The following KIAA0825 variants were observed in gnomAD, a reference collection of about 807,000 sequenced individuals.
The protein encoded by KIAA0825 is KIAA0825, also known as uncharacterized protein KIAA0825.
A neutral mutation model predicts 147.6 loss-of-function variants in KIAA0825; 119 were observed. The ratio of observed to expected loss-of-function variants is 0.81; its 90% CI spans 0.69 to 0.94. The LOEUF (loss-of-function observed/expected upper bound fraction) is 0.94. KIAA0825 is among the 40% of genes least tolerant of loss of function. KIAA0825 has a pLI of 0.00. For synonymous variants in KIAA0825, 470 were observed against 518.1 expected, an observed-to-expected ratio of 0.91 and a Z score of 1.26; for missense variants, 1,381 against 1,472.7, an observed-to-expected ratio of 0.94 and a Z score of 1.02.
chr5:94,231,810 C>G (rs1583925423), intron 20 of KIAA0825, among the ~76,000 whole-genome samples: 1 of 152,138 alleles, frequency 6.6e-6, no homozygotes, highest in East Asian at 1.9e-4. Flanking sequence ...TTTGGGACAT[C>G]CATTCCATGA....
intron 20 of KIAA0825, among the ~76,000 whole-genome samples, chr5:94,282,184 T>G (rs2010909): frequency 0.21 from 31,576 of 152,084 alleles, 3,704 homozygotes; most frequent in Non-Finnish European, 0.26. Context: ...CCATTTAAAA[T>G]GATTTAAAAT....
At chr5:94,533,443 A>G (rs527551943) in intron 3 of KIAA0825, among the ~76,000 whole-genome samples, 2 of 149,288 alleles carry the variant, frequency 1.3e-5, no homozygotes, top group African/African-American at 4.9e-5. Flanking sequence ...CGCCCGGCTG[A>G]TTTTTGTATT....
intron 6 of KIAA0825, among the ~76,000 whole-genome samples, chr5:94,481,963 T>C (rs998058429): frequency 6.6e-6 from 1 of 151,876 alleles, no homozygotes; most frequent in African/African-American, 2.4e-5. Flanking sequence ...ACAACTTTAT[T>C]CCAAAGAAGC....
intron 20 of KIAA0825, among the ~76,000 whole-genome samples, chr5:94,262,117 C>T (rs1156984627): frequency 6.6e-6 from 1 of 151,816 alleles, no homozygotes; most frequent in Admixed American, 6.6e-5. Flanking sequence ...AGAATTCTTA[C>T]AAATCCTAAA....
intron 20 of KIAA0825, among the ~76,000 whole-genome samples, chr5:94,246,576 G>A (rs1775625926): frequency 6.6e-6 from 1 of 152,120 alleles, no homozygotes; most frequent in Admixed American, 6.6e-5. Flanking sequence ...ACCTTGTTTA[G>A]TTTTATAGTA....
chr5:94,486,821 G>A lies in KIAA0825; in HGVS notation c.971-1891C>T, dbSNP rs560574364. Reference sequence around the variant, plus strand: ...TTAAGCTTTGCTTATGTAGATGAGTGGCTATTTTAACCTTCTAAACCTTAA... The same window carrying A: ...TTAAGCTTTGCTTATGTAGATGAGTAGCTATTTTAACCTTCTAAACCTTAA... On this transcript the variant is annotated intron_variant, in intron 5 of 20. Transcript: ENST00000682413. Among the ~76,000 whole-genome samples, 70 of 152,222 alleles carry A rather than the reference G, an allele frequency of 4.6e-4. 1 individual carries two copies. Among genetic ancestry groups the A allele is most frequent in the Admixed American group, 1.5e-3 (23 of 15,288 alleles).
intron 20 of KIAA0825, among the ~76,000 whole-genome samples, chr5:94,288,076 A>G (rs1477758589): frequency 1.3e-5 from 2 of 152,196 alleles, no homozygotes; most frequent in Non-Finnish European, 2.9e-5. Flanking sequence ...ATCCTCTGGA[A>G]AAAATGGCTA....
intron 20 of KIAA0825, among the ~76,000 whole-genome samples, chr5:94,173,806 A>G (rs947858399): frequency 1.3e-5 from 2 of 152,164 alleles, no homozygotes; most frequent in African/African-American, 4.8e-5. Context: ...AGAGAAGTGA[A>G]GTAGAGACCC....
intron 20 of KIAA0825, among the ~76,000 whole-genome samples, chr5:94,208,565 C>T (rs1772418145): frequency 3.3e-5 from 5 of 152,132 alleles, no homozygotes; most frequent in Admixed American, 3.3e-4. Flanking sequence ...CTAGAAAACA[C>T]ACAAACAAAA....
chr5:94,355,149 G>A (rs1784108769), intron 20 of KIAA0825, among the ~76,000 whole-genome samples: 1 of 152,198 alleles, frequency 6.6e-6, no homozygotes, highest in South Asian at 2.1e-4. Flanking sequence ...AAAAAATTGT[G>A]GAGGCCAAGG....
chr5:94,420,402 A>G (rs1584441686), intron 14 of KIAA0825, among the ~76,000 whole-genome samples: 1 of 152,144 alleles, frequency 6.6e-6, no homozygotes, highest in African/African-American at 2.4e-5. Flanking sequence ...TTACACTACA[A>G]TCCCAAATTT....
At chr5:94,297,576 C>T (rs1778193509) in intron 20 of KIAA0825, among the ~76,000 whole-genome samples, 1 of 152,060 alleles carries the variant, frequency 6.6e-6, no homozygotes, top group Admixed American at 6.5e-5. Context: ...CAAGACATCA[C>T]TATCATCACC....
intron 20 of KIAA0825, among the ~76,000 whole-genome samples, chr5:94,286,287 A>G (rs1777661939): frequency 6.6e-6 from 1 of 152,178 alleles, no homozygotes. Context: ...GTCATTTAAA[A>G]TTTAGATTAG....
chr5:94,302,186 ATCAAGTTTTAAAATAGGCCCG>A (rs1778450874), intron 20 of KIAA0825, among the ~76,000 whole-genome samples: 1 of 152,168 alleles, frequency 6.6e-6, no homozygotes, highest in Non-Finnish European at 1.5e-5. Context: ...GATAAAATAC[ATCAAGTTTTAAAATAGGCCCG>A]TTCAGCCCCA....
At chr5:94,428,025 C>T (rs1193082075) in intron 14 of KIAA0825, among the ~76,000 whole-genome samples, 1 of 151,794 alleles carries the variant, frequency 6.6e-6, no homozygotes, top group Non-Finnish European at 1.5e-5. Flanking sequence ...ATAGTGATCC[C>T]TTCTCTCATT....
chr5:94,494,869 A>G (rs1439672304), intron 5 of KIAA0825, among the ~76,000 whole-genome samples: 18 of 152,198 alleles, frequency 1.2e-4, no homozygotes, highest in Admixed American at 1.2e-3. Context: ...GAGAAGTTAC[A>G]TTATCAGCTC....
chr5:94,388,368 A>T (rs1356672119), intron 18 of KIAA0825, among the ~76,000 whole-genome samples: 1 of 152,170 alleles, frequency 6.6e-6, no homozygotes, highest in Non-Finnish European at 1.5e-5. Context: ...TGTAGAGCAT[A>T]TCTTTTTAGA....
intron 5 of KIAA0825, among the ~76,000 whole-genome samples, chr5:94,494,989 A>C (rs1440306913): frequency 2.6e-5 from 4 of 152,210 alleles, no homozygotes; most frequent in African/African-American, 9.6e-5. Flanking sequence ...TGTGCTTCCT[A>C]ATACACTTTC....
At chr5:94,555,827 G>A (rs1447004000) in intron 2 of KIAA0825, among the ~76,000 whole-genome samples, 1 of 152,072 alleles carries the variant, frequency 6.6e-6, no homozygotes, top group African/African-American at 2.4e-5. Flanking sequence ...TATTTCACAT[G>A]ATTTCAAAGT....
Sources: allele counts gnomAD v4.1 joint callset (sites outside exome capture counted in the v4.1 genomes callset), GRCh38; gene constraint gnomAD v4.1.1; transcripts MANE v1.5; gene names NCBI Gene and HGNC (gene_info 2026-07-23, HGNC 2026-07-21).